PTPRD: variants seen among roughly 807,000 people sequenced by gnomAD.
The protein encoded by PTPRD is receptor-type tyrosine-protein phosphatase delta.
In PTPRD, 34 loss-of-function variants were observed where a neutral mutation model predicts 214.5. The observed-to-expected ratio is 0.16, with a 90% CI of 0.12 to 0.21. The LOEUF (loss-of-function observed/expected upper bound fraction) is 0.21. Ranked by LOEUF, PTPRD falls within the 10% of genes least tolerant of loss-of-function variation. The pLI, the probability that PTPRD is intolerant of heterozygous loss-of-function variation, is 1.00. For synonymous variants in PTPRD, 1,128 were observed against 845.7 expected (o/e 1.33, Z -5.79); for missense variants, 2,545 against 2,398.7 (o/e 1.06, Z -1.27).
intron 11 of PTPRD, among the ~76,000 whole-genome samples, chr9:8,878,972 G>T (rs775063653): frequency 1.3e-5 from 2 of 152,182 alleles, no homozygotes; most frequent in African/African-American, 4.8e-5. Context: ...TTGCATTTCT[G>T]TGTTCACCAG....
At chr9:9,671,984 T>G (rs2096840838) in intron 7 of PTPRD, among the ~76,000 whole-genome samples, 1 of 152,182 alleles carries the variant, frequency 6.6e-6, no homozygotes, top group South Asian at 2.1e-4. Context: ...GAATAAAAAT[T>G]GCTACTGTAC....
chr9:9,326,608 T>A (rs2136271516), intron 9 of PTPRD, among the ~76,000 whole-genome samples: 1 of 151,622 alleles, frequency 6.6e-6, no homozygotes, highest in East Asian at 1.9e-4. Context: ...CATAAAACAA[T>A]GTTTAAATAA....
intron 9 of PTPRD, among the ~76,000 whole-genome samples, chr9:9,216,579 A>G (rs1160338301): frequency 6.6e-6 from 1 of 152,188 alleles, no homozygotes; most frequent in Non-Finnish European, 1.5e-5. Context: ...GTGAAAGCTC[A>G]AGGCAGCTGA....
chr9:9,922,356 A>G (rs1391958758), intron 5 of PTPRD, among the ~76,000 whole-genome samples: 1 of 152,108 alleles, frequency 6.6e-6, no homozygotes, highest in Non-Finnish European at 1.5e-5. Flanking sequence ...TTTTGATCAG[A>G]GCTATTATTG....
At chr9:8,722,693 C>A (rs1437352595) in intron 12 of PTPRD, among the ~76,000 whole-genome samples, 2 of 152,178 alleles carry the variant, frequency 1.3e-5, no homozygotes, top group African/African-American at 4.8e-5. Flanking sequence ...CCTCCAATAA[C>A]AGCCTTACTT....
intron 7 of PTPRD, among the ~76,000 whole-genome samples, chr9:9,648,382 A>C (rs2096250547): frequency 6.6e-6 from 1 of 152,202 alleles, no homozygotes; most frequent in Non-Finnish European, 1.5e-5. Flanking sequence ...CTTCCTACCA[A>C]AACAAGGTTT....
intron 8 of PTPRD, among the ~76,000 whole-genome samples, chr9:9,440,334 G>C (rs564665093): frequency 6.6e-6 from 1 of 152,074 alleles, no homozygotes; most frequent in African/African-American, 2.4e-5. Flanking sequence ...GCTTTGTCGT[G>C]GTTTGTACTT....
intron 2 of PTPRD, among the ~76,000 whole-genome samples, chr9:10,501,726 G>T (rs1382677276): frequency 7.2e-5 from 11 of 151,940 alleles, no homozygotes; most frequent in African/African-American, 2.7e-4. Context: ...ATAAAGGGTA[G>T]GATATATTAA....
At chr9:9,562,001 C>T (rs2083091483) in intron 8 of PTPRD, among the ~76,000 whole-genome samples, 1 of 152,124 alleles carries the variant, frequency 6.6e-6, no homozygotes, top group Non-Finnish European at 1.5e-5. Flanking sequence ...ACATTTCTTC[C>T]AAAATGAAGC....
chr9:9,158,089 G>A (rs907171130), intron 10 of PTPRD, among the ~76,000 whole-genome samples: 2 of 152,082 alleles, frequency 1.3e-5, no homozygotes, highest in Non-Finnish European at 2.9e-5. Flanking sequence ...TGGTATATAT[G>A]TACCATATTT....
chr9:8,548,149 G>A (rs1392203378), intron 14 of PTPRD, among the ~76,000 whole-genome samples: 2 of 152,174 alleles, frequency 1.3e-5, no homozygotes, highest in African/African-American at 2.4e-5. Context: ...AAGGCACAGG[G>A]AAAAGTATAA....
At chr9:9,182,702 T>C (rs955004507) in intron 10 of PTPRD, among the ~76,000 whole-genome samples, 2 of 152,044 alleles carry the variant, frequency 1.3e-5, no homozygotes, top group Non-Finnish European at 2.9e-5. Context: ...AAAAGGGATA[T>C]GTAATGAAAC....
At chr9:10,340,478 G>T (rs534200759) in intron 3 of PTPRD, among the ~76,000 whole-genome samples, 1 of 151,494 alleles carries the variant, frequency 6.6e-6, no homozygotes, top group Non-Finnish European at 1.5e-5. Flanking sequence ...TTTTGTTTTT[G>T]GTTTAAGTAC....
chr9:8,816,705 G>T (rs1012056076), intron 11 of PTPRD, among the ~76,000 whole-genome samples: 1 of 151,858 alleles, frequency 6.6e-6, no homozygotes, highest in Admixed American at 6.6e-5. Flanking sequence ...TTAAAAATTA[G>T]AGAAATAGGC....
intron 3 of PTPRD, among the ~76,000 whole-genome samples, chr9:10,094,471 GA>G (rs1231876830): frequency 1.4e-5 from 2 of 148,086 alleles, no homozygotes; most frequent in Admixed American, 1.4e-4. Flanking sequence ...ATAGATCTAA[GA>G]AACCAGAGCA....
intron 2 of PTPRD, among the ~76,000 whole-genome samples, chr9:10,571,724 G>A (rs1239661030): frequency 2.0e-5 from 3 of 152,150 alleles, no homozygotes; most frequent in East Asian, 3.9e-4. Flanking sequence ...GACTGGGGCA[G>A]GGGGATGGAT....
At chr9:9,490,660 T>C (rs1224827035) in intron 8 of PTPRD, among the ~76,000 whole-genome samples, 1 of 151,926 alleles carries the variant, frequency 6.6e-6, no homozygotes, top group Non-Finnish European at 1.5e-5. Context: ...TTAAGTTAAA[T>C]TAGAGTGTTA....
At chr9:8,336,580 C>A (rs1447920804) in intron 43 of PTPRD, among the ~76,000 whole-genome samples, 1 of 142,740 alleles carries the variant, frequency 7.0e-6, no homozygotes, top group African/African-American at 2.6e-5. Context: ...GCAACTAAAG[C>A]CAAAAGTGAC....
At chr9:9,275,199 T>G (rs1348617003) in intron 9 of PTPRD, among the ~76,000 whole-genome samples, 4 of 10,394 alleles carry the variant, frequency 3.8e-4, no homozygotes, top group Non-Finnish European at 9.3e-4. Flanking sequence ...TATATATATA[T>G]TATATATATA....
Sources: allele counts gnomAD v4.1 joint callset (sites outside exome capture counted in the v4.1 genomes callset), GRCh38; gene constraint gnomAD v4.1.1; transcripts MANE v1.5; gene names NCBI Gene and HGNC (gene_info 2026-07-23, HGNC 2026-07-21).